Variants in TC2N observed in about 807,000 individuals in gnomAD.
The protein encoded by TC2N is tandem C2 domains, nuclear, also known as tandem C2 domains nuclear protein.
In TC2N, 51 loss-of-function variants were observed where a neutral mutation model predicts 61.9. The observed-to-expected ratio is 0.82, with a 90% confidence interval of 0.66 to 1.04. The LOEUF (loss-of-function observed/expected upper bound fraction) is 1.04, where lower values mean the gene tolerates loss of function less well. TC2N is among the 50% of genes least tolerant of loss of function. The probability of loss-of-function intolerance (pLI) is 0.00; values close to 1 mark genes in which losing one functional copy is unlikely to be tolerated. For synonymous variants in TC2N, 204 were observed against 192.6 expected (o/e 1.06, Z -0.49); for missense variants, 556 against 566.7 (o/e 0.98, Z 0.19).
intron 1 of TC2N, among the ~76,000 whole-genome samples, chr14:91,815,611 C>T (rs890269406): frequency 6.6e-6 from 1 of 151,636 alleles, no homozygotes; most frequent in African/African-American, 2.4e-5. Flanking sequence ...AGGTTTTAAA[C>T]ATATGCGAAG....
intron 3 of TC2N, among the ~76,000 whole-genome samples, chr14:91,810,546 A>G (rs1886717410): frequency 6.6e-6 from 1 of 152,194 alleles, no homozygotes; most frequent in Non-Finnish European, 1.5e-5. Context: ...AGAAACAGGA[A>G]AATGTGATCT....
chr14:91,804,740 G>A (rs545193442), intron 3 of TC2N, among the ~76,000 whole-genome samples: 1 of 152,248 alleles, frequency 6.6e-6, no homozygotes, highest in Admixed American at 6.5e-5. Flanking sequence ...TATGAGCTTA[G>A]GTGGTAAGAA....
At chr14:91,853,588 A>T (rs1170302536) in intron 1 of TC2N, among the ~76,000 whole-genome samples, 2 of 152,016 alleles carry the variant, frequency 1.3e-5, no homozygotes, top group Non-Finnish European at 2.9e-5. Context: ...TTGAGTCAAA[A>T]GTAAGAGTTC....
chr14:91,792,227 T>C, intron 9 of TC2N, 140 bp downstream of exon 9: 1 of 437,896 alleles, frequency 2.3e-6, no homozygotes, highest in Non-Finnish European at 3.9e-6. Flanking sequence ...TTTCTAAATA[T>C]TTGAAAATAA....
chr14:91,783,254 T>TA, intron 11 of TC2N, 44 bp from the exon 12 acceptor site: 1 of 1,106,744 alleles, frequency 9.0e-7, no homozygotes, highest in Non-Finnish European at 1.4e-6. Flanking sequence ...GACACAATAA[T>TA]AATAACTACA....
At chr14:91,786,880 C>T (rs1174158754) in intron 10 of TC2N, among the ~76,000 whole-genome samples, 1 of 152,042 alleles carries the variant, frequency 6.6e-6, no homozygotes, top group African/African-American at 2.4e-5. Flanking sequence ...GCTTTAATAC[C>T]TTACTCTAAT....
At chr14:91,858,816 G>A (rs941345931) in intron 1 of TC2N, among the ~76,000 whole-genome samples, 12 of 152,120 alleles carry the variant, frequency 7.9e-5, no homozygotes, top group East Asian at 3.9e-4. Flanking sequence ...TCTCATAAGC[G>A]TGGTTATGCA....
intron 3 of TC2N, among the ~76,000 whole-genome samples, chr14:91,807,316 C>T (rs993855819): frequency 6.6e-6 from 1 of 152,194 alleles, no homozygotes; most frequent in African/African-American, 2.4e-5. Context: ...CTCCAGACCC[C>T]AGAATGGTAG....
chr14:91,829,694 T>C (rs942005159), intron 1 of TC2N, among the ~76,000 whole-genome samples: 1 of 152,178 alleles, frequency 6.6e-6, no homozygotes, highest in Admixed American at 6.5e-5. Context: ...GTTCTATCAT[T>C]CTGCCAATTC....
intron 3 of TC2N, 103 bp from the exon 4 acceptor site, chr14:91,802,524 A>C: frequency 1.0e-6 from 1 of 986,544 alleles, no homozygotes; most frequent in Admixed American, 2.6e-5. Flanking sequence ...TGTCTCAAGT[A>C]ATACTAAATC....
intron 6 of TC2N, 53 bp downstream of exon 6, chr14:91,798,936 T>C (rs1566765805): frequency 8.4e-7 from 1 of 1,189,616 alleles, no homozygotes; most frequent in Non-Finnish European, 1.2e-6. Flanking sequence ...AAGTTACTAC[T>C]GAGTAGAAAT....
At position 91,812,507 on chromosome 14, in the gene TC2N, T is replaced by A; in HGVS notation, c.106A>T (p.Ser36Cys). Residue 36 changes from serine to cysteine, a missense_variant, in exon 3 of 12, where the codon AGT (serine) becomes TGT (cysteine). Transcript: ENST00000435962. ...ERDFKAAVPNSQNATISVPPL... is the reference protein window; with the variant it reads ...ERDFKAAVPNCQNATISVPPL... ...GGTACAGAGATAGTAGCATTTTGAC[T>A]ATTTGGGACTGCTGCTTTAAAATCT... 1.9e-6 allele frequency: 3 copies of A among 1,598,616 alleles called. No homozygotes were observed. The highest frequency in any genetic ancestry group is 2.6e-6 in the Non-Finnish European group (3 of 1,169,784).
chr14:91,802,900 CAAAAAT>C (rs1441212007), intron 3 of TC2N, among the ~76,000 whole-genome samples: 1 of 150,338 alleles, frequency 6.7e-6, no homozygotes, highest in Non-Finnish European at 1.5e-5. Flanking sequence ...AATCAAATAG[CAAAAAT>C]AAAAATAAAA....
chr14:91,853,140 C>T (rs1888408648), intron 1 of TC2N, among the ~76,000 whole-genome samples: 2 of 146,552 alleles, frequency 1.4e-5, no homozygotes, highest in African/African-American at 5.5e-5. Flanking sequence ...TTTGCTGCTA[C>T]TCTAAATAGG....
intron 1 of TC2N, chr14:91,836,364 CG>C (rs933213885): frequency 6.6e-6 from 1 of 152,032 alleles, no homozygotes; most frequent in African/African-American, 2.4e-5. Context: ...CGGCCGCGGC[CG>C]GTTACCTGCT....
Position 91,782,944 on chromosome 14 carries a change from C to T in TC2N, c.*156G>A. On this transcript the variant is annotated 3_prime_UTR_variant, in exon 12 of 12. Coordinates refer to ENST00000435962, the MANE Select transcript of TC2N (RefSeq NM_001128596.3). The stretch of plus-strand genomic sequence containing the variant: ...TATCTGATAAAATTCATTACATTTT[C>T]TTATCAAATTTTCTATCAGATACAT... The T allele has an allele frequency of 4.0e-6, 2 of 497,944 alleles. No individual in the cohort carries two copies. Among genetic ancestry groups the T allele is most frequent in the Non-Finnish European group, 7.1e-6 (2 of 282,176 alleles). 30.8% of individuals were successfully genotyped at this position (497,944 alleles called of 1,614,324 possible).
chr14:91,790,868 T>C lies in TC2N; in HGVS notation c.1047+1499A>G, dbSNP rs77700653. ...AGGCAAGGCTGGGCGCAGTGGCTCATGCCTGCAATCCCAGCAAATTTGGGA... is the reference window on the plus strand; with the variant it reads ...AGGCAAGGCTGGGCGCAGTGGCTCACGCCTGCAATCCCAGCAAATTTGGGA... On this transcript the variant is annotated intron_variant, in intron 9 of 11. Transcript: ENST00000435962. Among the ~76,000 whole-genome samples the C allele has an allele frequency of 4.6e-5, 7 of 152,136 alleles. No homozygotes were observed. In the East Asian group the frequency reaches 1.4e-3, roughly 29 times the overall value.
intron 3 of TC2N, among the ~76,000 whole-genome samples, chr14:91,805,472 T>A (rs1438230937): frequency 6.6e-6 from 1 of 152,172 alleles, no homozygotes; most frequent in East Asian, 1.9e-4. Context: ...ATCAAGACCA[T>A]CCTGGCCAAC....
chr14:91,783,254 T>G (rs369359857), intron 11 of TC2N, 44 bp from the exon 12 acceptor site: 98 of 1,106,626 alleles, frequency 8.9e-5, no homozygotes, highest in Non-Finnish European at 1.3e-4. Context: ...GACACAATAA[T>G]AATAACTACA....
Sources: allele counts gnomAD v4.1 joint callset (sites outside exome capture counted in the v4.1 genomes callset), GRCh38; gene constraint gnomAD v4.1.1; transcripts MANE v1.5; gene names NCBI Gene and HGNC (gene_info 2026-07-23, HGNC 2026-07-21).